EDIL3: variants seen among roughly 807,000 people sequenced by gnomAD.
The protein encoded by EDIL3 is EGF like and discoidin domains 3, also known as EGF-like repeat and discoidin I-like domain-containing protein 3.
In EDIL3, 37 loss-of-function variants were observed where a neutral mutation model predicts 67.4. The ratio of observed to expected loss-of-function variants is 0.55; its 90% CI spans 0.42 to 0.72. The LOEUF (loss-of-function observed/expected upper bound fraction) is 0.72. Among genes scored for constraint, EDIL3 ranks in the 30% least tolerant of loss-of-function variants. The pLI is 0.00. For missense variants in EDIL3, 527 were observed against 586.3 expected, an observed-to-expected ratio of 0.90 and a Z score of 1.04; for synonymous variants, 195 against 196.3, an observed-to-expected ratio of 0.99 and a Z score of 0.05.
At chr5:84,073,620 C>T (rs1479799028) in intron 6 of EDIL3, among the ~76,000 whole-genome samples, 2 of 151,974 alleles carry the variant, frequency 1.3e-5, no homozygotes, top group Non-Finnish European at 2.9e-5. Flanking sequence ...GAATAAAATA[C>T]CTAGGAATCC....
chr5:84,377,289 G>C (rs1242906210), intron 1 of EDIL3, among the ~76,000 whole-genome samples: 10 of 150,744 alleles, frequency 6.6e-5, no homozygotes, highest in African/African-American at 2.4e-4. Context: ...CTGCAGCCTG[G>C]GTAGCGAGAC....
intron 1 of EDIL3, among the ~76,000 whole-genome samples, chr5:84,345,391 T>C (rs1747217252): frequency 6.6e-6 from 1 of 152,214 alleles, no homozygotes; most frequent in Middle Eastern, 3.4e-3. Flanking sequence ...TAAAAATAAA[T>C]AGCAATAATT....
chr5:84,066,515 A>G lies in EDIL3; in HGVS notation c.743T>C (p.Ile248Thr). Residue 248 changes from isoleucine to threonine, a missense_variant, in exon 7 of 11, where the codon ATT becomes ACT. Ile to Thr is a moderately conservative substitution (Grantham distance 89). Transcript: ENST00000296591. Reference sequence around the variant, plus strand: ...AGTCTTTCCATCATTACTGTAGGCAATTTTGTAGGATTTTATATACTCTGG... The same window carrying G: ...AGTCTTTCCATCATTACTGTAGGCAGTTTTGTAGGATTTTATATACTCTGG... The part of the protein sequence containing the change: ...GSPEYIKSYK[I>T]AYSNDGKTWA... 6.2e-7 allele frequency: 1 copy of G among 1,613,444 alleles called. No homozygotes were observed. Among genetic ancestry groups the G allele is most frequent in the South Asian group, 1.1e-5 (1 of 90,972 alleles).
chr5:84,257,479 G>A (rs1032291283), intron 1 of EDIL3, among the ~76,000 whole-genome samples: 1 of 152,056 alleles, frequency 6.6e-6, no homozygotes, highest in Non-Finnish European at 1.5e-5. Flanking sequence ...TTTTGAAAGG[G>A]AGAAAACAGG....
At chr5:84,283,320 G>C (rs998821628) in intron 1 of EDIL3, among the ~76,000 whole-genome samples, 5 of 152,016 alleles carry the variant, frequency 3.3e-5, no homozygotes, top group African/African-American at 1.2e-4. Context: ...TGTTTAGTTA[G>C]GTTCAGAAAC....
chr5:84,329,567 T>C (rs1172731695), intron 1 of EDIL3, among the ~76,000 whole-genome samples: 1 of 152,118 alleles, frequency 6.6e-6, no homozygotes, highest in Non-Finnish European at 1.5e-5. Flanking sequence ...GTCTGTTGAA[T>C]ATACCACCTG....
chr5:84,054,194 C>T (rs987032098), intron 9 of EDIL3, among the ~76,000 whole-genome samples: 18 of 152,064 alleles, frequency 1.2e-4, no homozygotes, highest in African/African-American at 3.9e-4. Context: ...ATAAACAGAA[C>T]CAAAGACAAA....
intron 1 of EDIL3, among the ~76,000 whole-genome samples, chr5:84,335,315 T>A (rs1746963431): frequency 6.6e-6 from 1 of 152,222 alleles, no homozygotes; most frequent in Non-Finnish European, 1.5e-5. Flanking sequence ...GTCCCTTTAA[T>A]TTGTCCCTGC....
At chr5:84,299,695 T>C (rs922031267) in intron 1 of EDIL3, among the ~76,000 whole-genome samples, 4 of 152,238 alleles carry the variant, frequency 2.6e-5, no homozygotes, top group Admixed American at 6.5e-5. Context: ...GTTTCATTTT[T>C]CTTGGAGTTA....
rs1021750925 is a variant in EDIL3 at position 84,063,656 on chromosome 5, T to A, written c.952+1044A>T. Among the ~76,000 whole-genome samples, 4 of 152,100 alleles carry A rather than the reference T, an allele frequency of 2.6e-5. No homozygotes were observed. The East Asian group carries it at 5.8e-4, about 22-fold the overall frequency. On this transcript the variant is annotated intron_variant, in intron 8 of 10. Transcript: ENST00000296591. ...ATAAATTTAGGAAGAGAAACAGATA[T>A]AAAGTATGCGCTTTAACCTATAGGC...
intron 3 of EDIL3, among the ~76,000 whole-genome samples, chr5:84,203,867 C>G (rs548397106): frequency 6.6e-6 from 1 of 152,038 alleles, no homozygotes; most frequent in South Asian, 2.1e-4. Context: ...GTAAGGAAGG[C>G]GTATATCACA....
chr5:84,047,257 T>C (rs1380843310), intron 9 of EDIL3, among the ~76,000 whole-genome samples: 1 of 152,108 alleles, frequency 6.6e-6, no homozygotes, highest in Non-Finnish European at 1.5e-5. Context: ...ATTTTCTATA[T>C]GCAAGCACTT....
At chr5:84,304,982 TG>T (rs370043575) in intron 1 of EDIL3, among the ~76,000 whole-genome samples, 1 of 152,354 alleles carries the variant, frequency 6.6e-6, no homozygotes, top group South Asian at 2.1e-4. Flanking sequence ...GTTATTTTAA[TG>T]TGATTTATTT....
intron 1 of EDIL3, among the ~76,000 whole-genome samples, chr5:84,343,137 G>GA (rs1747159916): frequency 6.6e-6 from 1 of 151,794 alleles, no homozygotes; most frequent in South Asian, 2.1e-4. Context: ...GAGAGAAACT[G>GA]AAAACAGTAT....
chr5:84,095,937 T>A (rs989229387), intron 6 of EDIL3, among the ~76,000 whole-genome samples: 1 of 152,222 alleles, frequency 6.6e-6, no homozygotes, highest in African/African-American at 2.4e-5. Flanking sequence ...CGGTGCTGTG[T>A]GCAGCCTAGG....
chr5:84,272,045 A>C lies in EDIL3; in HGVS notation c.68-17833T>G, dbSNP rs562922513. On this transcript the variant is annotated intron_variant, in intron 1 of 10. Coordinates refer to ENST00000296591, the MANE Select transcript of EDIL3 (RefSeq NM_005711.5). ...GACAATGTAATGATTAAAAATGTGG[A>C]GTTAAAGCTCAAGAGGAATGCAAGC... Among the ~76,000 whole-genome samples, 85 of 152,326 alleles carry C rather than the reference A, an allele frequency of 5.6e-4. 1 individual carries two copies. The highest frequency in any genetic ancestry group is 2.0e-3 in the African/African-American group (85 of 41,578).
chr5:84,176,945 G>A (rs1276314394), intron 4 of EDIL3, among the ~76,000 whole-genome samples: 1 of 151,926 alleles, frequency 6.6e-6, no homozygotes, highest in Non-Finnish European at 1.5e-5. Flanking sequence ...AAAACACAAC[G>A]AGTGCTGGTA....
intron 3 of EDIL3, among the ~76,000 whole-genome samples, chr5:84,186,989 T>C (rs1270071794): frequency 1.3e-5 from 2 of 152,024 alleles, no homozygotes; most frequent in Non-Finnish European, 2.9e-5. Context: ...TTCATAAAAT[T>C]CGAAATTATC....
intron 9 of EDIL3, among the ~76,000 whole-genome samples, chr5:84,033,704 TAAAAAAAAAAAAA>T (rs71605889): frequency 1.1e-5 from 1 of 92,822 alleles, no homozygotes; most frequent in Admixed American, 1.3e-4. Context: ...ACATTGTCTC[TAAAAAAAAAAAAA>T]AAAAAAAAAT....
Sources: gnomAD v4.1 joint callset for allele counts (sites outside exome capture counted in the v4.1 genomes callset) on GRCh38, gnomAD v4.1.1 for gene constraint, MANE v1.5 for transcripts, NCBI Gene and HGNC (gene_info 2026-07-23, HGNC 2026-07-21) for gene names.